FNDC3A: variants seen among roughly 807,000 people sequenced by gnomAD.
The protein encoded by FNDC3A is fibronectin type-III domain-containing protein 3A.
A neutral mutation model predicts 148.9 loss-of-function variants in FNDC3A; 32 were observed. The ratio of observed to expected loss-of-function variants is 0.21; its 90% CI spans 0.16 to 0.29. The LOEUF (loss-of-function observed/expected upper bound fraction) is 0.29. Ranked by LOEUF, FNDC3A falls within the 10% of genes least tolerant of loss-of-function variation. FNDC3A has a pLI of 1.00. For missense variants in FNDC3A, 1,191 were observed against 1,452.8 expected (o/e 0.82, Z 2.93); for synonymous variants, 472 against 473.6 (o/e 1.00, Z 0.04).
chr13:49,004,497 A>G (rs1952185330), intron 1 of FNDC3A, among the ~76,000 whole-genome samples: 1 of 152,038 alleles, frequency 6.6e-6, no homozygotes, highest in South Asian at 2.1e-4. Context: ...TGGAATGGTA[A>G]TATTGAAATA....
chr13:49,075,608 G>A (rs1878041945), intron 3 of FNDC3A, among the ~76,000 whole-genome samples: 2 of 152,060 alleles, frequency 1.3e-5, no homozygotes, highest in South Asian at 4.1e-4. Context: ...TTCCTGTTCA[G>A]CAATCTTTAT....
Position 49,208,228 on chromosome 13 carries a change from CACAT to C in FNDC3A, c.*839_*842del, listed in dbSNP as rs1886743041. On this transcript the variant is annotated 3_prime_UTR_variant, in exon 26 of 26. Coordinates refer to ENST00000492622, the MANE Select transcript of FNDC3A (RefSeq NM_001079673.2). ...CTATATGTATGTGTATAAGGGTATA[CACAT>C]ACATATATGGCATATAACAAGTGTA... 1 of 152,276 alleles carries C rather than the reference CACAT, an allele frequency of 6.6e-6. No individual in the cohort carries two copies. The highest frequency in any genetic ancestry group is 2.1e-4 in the South Asian group (1 of 4,826). The allele number at this position is 152,276 out of a possible 1,614,324, so 9.4% of individuals were successfully genotyped here. A position where few individuals can be genotyped will look rare whatever the true frequency, so the allele number is the denominator to read the frequency against.
rs1181614414 is a variant in FNDC3A, at chr13:49,076,876, A to G, written c.175+1512A>G. Among the ~76,000 whole-genome samples, 3 of 152,328 alleles carry G rather than the reference A, an allele frequency of 2.0e-5. 1 individual carries two copies. Among genetic ancestry groups the G allele is most frequent in the South Asian group, 4.1e-4 (2 of 4,826 alleles). On this transcript the variant is annotated intron_variant, in intron 3 of 25. Transcript: ENST00000492622. ...AAATTTTTATTCAGTCTCCCCAGCT[A>G]AAGTCTAAGCACTTTGGGGACACAT...
chr13:49,149,036 T>C lies in FNDC3A; in HGVS notation c.977+3101T>C, dbSNP rs1050388564. ...TATTAGTGTATAGAAATGATGCTGA[T>C]TTTTGTATTTTGATTTTATATCCTG... On this transcript the variant is annotated intron_variant, in intron 8 of 25. Transcript: ENST00000492622. 6.6e-5 allele frequency among the ~76,000 whole-genome samples: 10 copies of C among 152,300 alleles called. No homozygotes were observed. In the South Asian group the frequency reaches 2.1e-3, roughly 32 times the overall value.
At chr13:49,148,602 T>C (rs1460540416) in intron 8 of FNDC3A, among the ~76,000 whole-genome samples, 1 of 152,248 alleles carries the variant, frequency 6.6e-6, no homozygotes, top group Non-Finnish European at 1.5e-5. Flanking sequence ...TTTTGATTAC[T>C]ATAGTCTTGC....
chr13:49,127,098 T>C (rs1443089739), intron 4 of FNDC3A, among the ~76,000 whole-genome samples: 2 of 152,178 alleles, frequency 1.3e-5, no homozygotes, highest in Non-Finnish European at 2.9e-5. Context: ...TAACACAAAC[T>C]TTCCTGCTCC....
chr13:49,021,129 A>G (rs1204468491), intron 2 of FNDC3A, among the ~76,000 whole-genome samples: 1 of 152,208 alleles, frequency 6.6e-6, no homozygotes, highest in Non-Finnish European at 1.5e-5. Flanking sequence ...ACTGGTATTA[A>G]AATGATTAAT....
intron 11 of FNDC3A, 93 bp downstream of exon 11, chr13:49,172,189 TCTTCTGTC>T: frequency 1.4e-6 from 1 of 728,878 alleles, no homozygotes; most frequent in Non-Finnish European, 2.3e-6. Flanking sequence ...TCAAGTATAT[TCTTCTGTC>T]AAAAAAAGTA....
At chr13:49,163,045 C>A (rs1383090452) in intron 8 of FNDC3A, among the ~76,000 whole-genome samples, 3 of 152,184 alleles carry the variant, frequency 2.0e-5, no homozygotes, top group Non-Finnish European at 4.4e-5. Context: ...TGTCAATCAG[C>A]CCCTACTGGG....
intron 2 of FNDC3A, among the ~76,000 whole-genome samples, chr13:49,017,962 G>A (rs147199777): frequency 0.026 from 3,989 of 152,212 alleles, 79 homozygotes; most frequent in Middle Eastern, 0.058. Context: ...AGTTTCTGCC[G>A]AGAGATCCGC....
intron 3 of FNDC3A, chr13:49,110,483 G>A: frequency 9.9e-7 from 1 of 1,011,130 alleles, no homozygotes; most frequent in African/African-American, 1.6e-5. Context: ...GTCATGCCGT[G>A]TGTTTTTAAA....
rs551236165 is a variant in FNDC3A, at chr13:49,135,003, G to A, written c.491-1329G>A. Among the ~76,000 whole-genome samples, 8 of 151,118 alleles carry A rather than the reference G, an allele frequency of 5.3e-5. No homozygotes were observed. In the East Asian group the frequency reaches 5.8e-4, roughly 11 times the overall value. ...CGCGAATAGCTGGGATTACAGGTGC[G>A]CGCCACCACGCCCGGCTAATTTTTT... On this transcript the variant is annotated intron_variant, in intron 5 of 25. Transcript: ENST00000492622.
chr13:48,978,154 G>T (rs1951636279), intron 1 of FNDC3A, among the ~76,000 whole-genome samples: 1 of 151,906 alleles, frequency 6.6e-6, no homozygotes, highest in African/African-American at 2.4e-5. Flanking sequence ...ATTGAGACCT[G>T]ATTTATTTTA....
In FNDC3A at chr13:49,006,175, T is replaced by G. The variant is rs768371709; in HGVS notation, c.-16T>G. The G allele has an allele frequency of 5.6e-6, 8 of 1,417,842 alleles. No individual in the cohort carries two copies. Among genetic ancestry groups the G allele is most frequent in the Admixed American group, 1.7e-5 (1 of 57,998 alleles). 87.8% of individuals were successfully genotyped at this position (1,417,842 alleles called of 1,614,324 possible). A position where few individuals can be genotyped will look rare whatever the true frequency, so the allele number is the denominator to read the frequency against. On this transcript the variant is annotated 5_prime_UTR_variant, in exon 2 of 26. In the 5' UTR this introduces an upstream ATG that the reference lacks. Transcript: ENST00000492622. ...AGAATTGGAGCGTTATTCAGTATATTAATGTCTTATTGATAATGGCAGAAC... is the reference window on the plus strand; with the variant it reads ...AGAATTGGAGCGTTATTCAGTATATGAATGTCTTATTGATAATGGCAGAAC...
intron 2 of FNDC3A, among the ~76,000 whole-genome samples, chr13:49,012,195 A>C (rs543497520): frequency 6.6e-6 from 1 of 151,768 alleles, no homozygotes; most frequent in African/African-American, 2.4e-5. Context: ...GGCTTGCTGC[A>C]AGCTCCGCCA....
chr13:49,041,263 T>G (rs1874906151), intron 2 of FNDC3A, among the ~76,000 whole-genome samples: 1 of 152,244 alleles, frequency 6.6e-6, no homozygotes, highest in South Asian at 2.1e-4. Context: ...ATTTAGTCTT[T>G]TAATAATTCC....
intron 8 of FNDC3A, among the ~76,000 whole-genome samples, chr13:49,160,077 C>T (rs1266394973): frequency 6.6e-6 from 1 of 152,152 alleles, no homozygotes; most frequent in Non-Finnish European, 1.5e-5. Flanking sequence ...GTCTAAAATT[C>T]TCTTTTTTTG....
At chr13:49,006,354 CAG>C (rs1464727032) in intron 2 of FNDC3A, 65 bp downstream of exon 2, 4 of 848,398 alleles carry the variant, frequency 4.7e-6, no homozygotes, top group African/African-American at 1.7e-5. Context: ...AAATTTAAAA[CAG>C]ATCACAATAG....
At chr13:49,095,498 A>G (rs1055797678) in intron 3 of FNDC3A, 6 of 152,048 alleles carry the variant, frequency 3.9e-5, no homozygotes, top group African/African-American at 1.4e-4. Context: ...CTAAGAAAAT[A>G]AAATAAAATA....
Sources: allele counts gnomAD v4.1 joint callset (sites outside exome capture counted in the v4.1 genomes callset), GRCh38; gene constraint gnomAD v4.1.1; transcripts MANE v1.5; gene names NCBI Gene and HGNC (gene_info 2026-07-23, HGNC 2026-07-21).